INTS12: variants seen among roughly 807,000 people sequenced by gnomAD.
INTS12 encodes the protein integrator complex subunit 12.
INTS12 carries 13 observed loss-of-function variants against 41.6 expected under a neutral mutation model. That is an observed-to-expected ratio of 0.31 (90% confidence interval 0.20 to 0.50). INTS12 has a LOEUF of 0.50. Ranked by LOEUF, INTS12 falls within the 20% of genes least tolerant of loss-of-function variation. The pLI is 0.98. For missense variants in INTS12, 432 were observed against 541.6 expected (o/e 0.80, Z 2.01); for synonymous variants, 199 against 191.4 (o/e 1.04, Z -0.33).
At chr4:105,683,733 T>C (rs189541903) in intron 7 of INTS12, among the ~76,000 whole-genome samples, 134 of 152,180 alleles carry the variant, frequency 8.8e-4, no homozygotes, top group Non-Finnish European at 1.8e-3. Flanking sequence ...TCACTCTTAA[T>C]AGCAAAAATG....
chr4:105,688,323 C>T (rs937028977), intron 6 of INTS12, among the ~76,000 whole-genome samples: 5 of 152,120 alleles, frequency 3.3e-5, no homozygotes, highest in Admixed American at 6.6e-5. Flanking sequence ...AACAATTTGT[C>T]ACCATTTCTG....
At chr4:105,700,437 G>T (rs1193501612) in intron 2 of INTS12, among the ~76,000 whole-genome samples, 5 of 151,936 alleles carry the variant, frequency 3.3e-5, no homozygotes, top group Non-Finnish European at 7.4e-5. Context: ...TAGTGTGCAG[G>T]TGTTTGTGTG....
At chr4:105,689,514 T>G (rs561888615) in intron 6 of INTS12, among the ~76,000 whole-genome samples, 1 of 152,288 alleles carries the variant, frequency 6.6e-6, no homozygotes, top group East Asian at 1.9e-4. Context: ...TTGCTCTTGG[T>G]GTATTCTAGT....
chr4:105,683,423 G>A (rs983589570), intron 7 of INTS12, 106 bp from the exon 8 acceptor site: 21 of 836,258 alleles, frequency 2.5e-5, no homozygotes, highest in Non-Finnish European at 3.4e-5. Context: ...ACCAAATTAG[G>A]TTCTTATGAA....
chr4:105,705,738 A>C (rs927954690), intron 1 of INTS12: 7 of 152,096 alleles, frequency 4.6e-5, no homozygotes, highest in African/African-American at 1.4e-4. Context: ...ATCTTAAGTC[A>C]CCTCTCAAGT....
At chr4:105,700,540 T>C (rs1732028380) in intron 2 of INTS12, among the ~76,000 whole-genome samples, 1 of 151,956 alleles carries the variant, frequency 6.6e-6, no homozygotes, top group Non-Finnish European at 1.5e-5. Context: ...CAACTCTTTT[T>C]TTTTTTTTTT....
At position 105,682,653 on chromosome 4, in the gene INTS12, T is replaced by G; in HGVS notation, c.*80A>C. ...TTGATTATGAAGACTTTTATTAAAT[T>G]ACAGTGTATTACAGATTATATCATA... On this transcript the variant is annotated 3_prime_UTR_variant, in exon 8 of 8. Transcript: ENST00000340139. 2 of 987,992 alleles carry G rather than the reference T, an allele frequency of 2.0e-6. No homozygotes were observed. Among genetic ancestry groups the G allele is most frequent in the South Asian group, 1.8e-5 (1 of 56,422 alleles). 61.2% of individuals were successfully genotyped at this position (987,992 alleles called of 1,614,324 possible). A position where few individuals can be genotyped will look rare whatever the true frequency, so the allele number is the denominator to read the frequency against.
chr4:105,686,879 C>A, intron 6 of INTS12, 41 bp from the exon 7 acceptor site: 1 of 1,564,296 alleles, frequency 6.4e-7, no homozygotes. Flanking sequence ...AAAATCTTAA[C>A]TGAATATACA....
At chr4:105,699,740 A>C (rs529561931) in intron 3 of INTS12, 110 bp downstream of exon 3, 17 of 790,740 alleles carry the variant, frequency 2.1e-5, no homozygotes, top group Non-Finnish European at 3.1e-5. Flanking sequence ...TCTTCATGCT[A>C]CAAGGAAAGA....
intron 6 of INTS12, among the ~76,000 whole-genome samples, chr4:105,688,092 G>C (rs1578380991): frequency 6.6e-6 from 1 of 152,144 alleles, no homozygotes; most frequent in South Asian, 2.1e-4. Flanking sequence ...TGGGTTATGA[G>C]GATGAATTAT....
intron 3 of INTS12, 35 bp from the exon 4 acceptor site, chr4:105,695,703 T>G: frequency 1.3e-6 from 2 of 1,503,176 alleles, no homozygotes; most frequent in Non-Finnish European, 9.1e-7. Context: ...TAATTAAATA[T>G]TTAGACTGAT....
chr4:105,693,249 A>C, intron 5 of INTS12, 50 bp downstream of exon 5: 1 of 1,424,814 alleles, frequency 7.0e-7, no homozygotes, highest in Admixed American at 1.9e-5. Context: ...GGAAAGGGTC[A>C]TGTGTTCTTT....
rs767999081 is a variant in INTS12 at position 105,693,528 on chromosome 4, A to G, written c.310-42T>C. Reference sequence around the variant, plus strand: ...TCAGAAAATGATAAAGTAATGTGGTAGAATAAACTTTAAGTCACTGAAAGA... The same window carrying G: ...TCAGAAAATGATAAAGTAATGTGGTGGAATAAACTTTAAGTCACTGAAAGA... On this transcript the variant is annotated intron_variant, in intron 4 of 7. Transcript: ENST00000340139. 3.2e-6 allele frequency: 5 copies of G among 1,538,890 alleles called. No individual in the cohort carries two copies. The African/African-American group carries it at 5.5e-5, about 17-fold the overall frequency.
intron 2 of INTS12, 117 bp from the exon 3 acceptor site, chr4:105,700,131 TA>T: frequency 6.7e-6 from 4 of 595,582 alleles, no homozygotes; most frequent in Non-Finnish European, 1.0e-5. Flanking sequence ...ATATAAAATT[TA>T]AAATCACCAA....
At chr4:105,685,752 T>C (rs1253462728) in intron 7 of INTS12, among the ~76,000 whole-genome samples, 1 of 152,098 alleles carries the variant, frequency 6.6e-6, no homozygotes, top group Non-Finnish European at 1.5e-5. Context: ...GTTATGAAAT[T>C]AGATTAGAAA....
At chr4:105,685,168 AT>A (rs1411194454) in intron 7 of INTS12, among the ~76,000 whole-genome samples, 2 of 152,062 alleles carry the variant, frequency 1.3e-5, no homozygotes, top group Non-Finnish European at 2.9e-5. Context: ...AATGGGAACA[AT>A]TTTTTTATAG....
intron 2 of INTS12, among the ~76,000 whole-genome samples, chr4:105,702,358 G>C (rs749724179): frequency 6.6e-6 from 1 of 151,770 alleles, no homozygotes. Context: ...GGATGGTCTC[G>C]ATCTCCTGAC....
Position 105,693,429 on chromosome 4 carries a change from G to A in INTS12, c.367C>T (p.Pro123Ser). 2 of 1,613,624 alleles carry A rather than the reference G, an allele frequency of 1.2e-6. No individual in the cohort carries two copies. The highest frequency in any genetic ancestry group is 1.7e-6 in the Non-Finnish European group (2 of 1,179,660). ...DIPKKPRLEK[P>S]ETQSSPITVQ... ...GTAATGGGAGATGACTGTGTTTCTGGTTTCTCCAATCTAGGTTTCTTTGGA... is the reference window on the plus strand; with the variant it reads ...GTAATGGGAGATGACTGTGTTTCTGATTTCTCCAATCTAGGTTTCTTTGGA... Residue 123 changes from proline (P) to serine (S), a missense_variant, in exon 5 of 8, where the codon CCA becomes TCA. By Grantham distance (74) the Pro-to-Ser change is moderately conservative. Transcript: ENST00000340139.
rs1388016500 is a variant in INTS12 at position 105,682,960 on chromosome 4, G to A, written c.1162C>T (p.Pro388Ser). The change falls in exon 8 of 8, where the codon CCT (proline) becomes TCT (serine). Residue 388 changes from proline to serine, a missense_variant. Pro to Ser is a moderately conservative substitution (Grantham distance 74, BLOSUM62 -1). Around this residue, in one of 3 missense-constraint regions of INTS12, gnomAD observed 258 missense variants for 309.9 expected, o/e 0.83. Coordinates refer to ENST00000340139, the MANE Select transcript of INTS12 (RefSeq NM_020395.4). ...CCTGGAACTAAACTACTTGGACTAG[G>A]AAGACCTACTTTGCTGACATTGTCA... is the stretch of plus-strand genomic sequence containing the variant. ...SCDNVSKVGLPSPSSLVPGSS... is the reference protein window; with the variant it reads ...SCDNVSKVGLSSPSSLVPGSS... 2.5e-6 allele frequency: 4 copies of A among 1,614,124 alleles called. No homozygotes were observed. Among genetic ancestry groups the A allele is most frequent in the South Asian group, 1.1e-5 (1 of 91,074 alleles).
Sources: gnomAD v4.1 joint callset for allele counts (sites outside exome capture counted in the v4.1 genomes callset) on GRCh38, gnomAD v4.1.1 for gene constraint, gnomAD v4.1.1 regional missense constraint, MANE v1.5 for transcripts, NCBI Gene and HGNC (gene_info 2026-07-23, HGNC 2026-07-21) for gene names.